The following JAKMIP3 variants were observed in gnomAD, a reference collection of about 807,000 sequenced individuals.
JAKMIP3 encodes the protein Janus kinase and microtubule interacting protein 3.
Under a neutral mutation model 118.5 loss-of-function variants are expected in JAKMIP3, and 58 were observed. That is an observed-to-expected ratio of 0.49 (90% CI 0.40 to 0.61). The LOEUF (loss-of-function observed/expected upper bound fraction) is 0.61, where lower values mean the gene tolerates loss of function less well. Ranked by LOEUF, JAKMIP3 falls within the 20% of genes least tolerant of loss-of-function variation. The pLI, the probability that JAKMIP3 is intolerant of heterozygous loss-of-function variation, is 0.00. For synonymous variants in JAKMIP3, 486 were observed against 451.2 expected (o/e 1.08, Z -0.98); for missense variants, 950 against 1,109.0 (o/e 0.86, Z 2.04).
Position 132,180,574 on chromosome 10 carries a change from T to TGCGCGC in JAKMIP3, c.*1104-1782_*1104-1781insCGCGCG, listed in dbSNP as rs1195743202. Among the ~76,000 whole-genome samples the TGCGCGC allele has an allele frequency of 9.4e-5, 4 of 42,718 alleles. 1 individual carries two copies. Among genetic ancestry groups the TGCGCGC allele is most frequent in the South Asian group, 1.1e-3 (1 of 926 alleles). The allele number at this position is 42,718 out of a possible 152,430, so 28.0% of individuals were successfully genotyped here. On this transcript the variant is annotated intron_variant, in intron 23 of 23. Transcript: ENST00000684848. ...GCGTGCATGCGTGTGTGTGCGTGTG[T>TGCGCGC]GTGTGCGTGCGCGTGTGTGTGTGCG...
chr10:132,158,389 T>A (rs2057347676), intron 19 of JAKMIP3, among the ~76,000 whole-genome samples: 1 of 152,124 alleles, frequency 6.6e-6, no homozygotes, highest in Non-Finnish European at 1.5e-5. Flanking sequence ...GGATTAGAGA[T>A]GTAGGTCTCC....
At chr10:132,097,940 T>TCCCTTC (rs1564892890) in intron 1 of JAKMIP3, among the ~76,000 whole-genome samples, 65 of 35,424 alleles carry the variant, frequency 1.8e-3, no homozygotes, top group Non-Finnish European at 2.1e-3. Context: ...CCTTCCCCTT[T>TCCCTTC]CCCTTTCCCA....
At chr10:132,134,294 A>T (rs1452036081) in intron 4 of JAKMIP3, among the ~76,000 whole-genome samples, 1 of 152,208 alleles carries the variant, frequency 6.6e-6, no homozygotes, top group Non-Finnish European at 1.5e-5. Flanking sequence ...CTTTGAGGAT[A>T]AAACTGTGTG....
chr10:132,157,751 A>G (rs1254383792), intron 19 of JAKMIP3, among the ~76,000 whole-genome samples: 1 of 152,162 alleles, frequency 6.6e-6, no homozygotes, highest in African/African-American at 2.4e-5. Flanking sequence ...TTGATAAAAG[A>G]AGGCAACCAG....
chr10:132,171,131 G>A (rs1381705318), intron 23 of JAKMIP3, among the ~76,000 whole-genome samples: 1 of 152,234 alleles, frequency 6.6e-6, no homozygotes, highest in Non-Finnish European at 1.5e-5. Context: ...CTCCCTTGGG[G>A]GAGGTTACGG....
At chr10:132,059,073 G>A (rs908113724) in intron 1 of JAKMIP3, among the ~76,000 whole-genome samples, 6 of 152,232 alleles carry the variant, frequency 3.9e-5, no homozygotes, top group East Asian at 3.8e-4. Context: ...ACAGCTGTTC[G>A]CGCGGACGAC....
intron 19 of JAKMIP3, among the ~76,000 whole-genome samples, chr10:132,159,581 T>TGTGATGCTGGGGGTCCTCTTCCTGG: frequency 8.7e-6 from 1 of 115,288 alleles, no homozygotes; most frequent in Non-Finnish European, 1.7e-5. Flanking sequence ...TGTCTCCCTG[T>TGTGATGCTGGGGGTCCTCTTCCTGG]GTGATGCTGG....
At chr10:132,091,726 A>G (rs1179464643) in intron 1 of JAKMIP3, among the ~76,000 whole-genome samples, 2 of 152,132 alleles carry the variant, frequency 1.3e-5, no homozygotes, top group East Asian at 1.9e-4. Flanking sequence ...TCTTTATCCA[A>G]TTTACCAGTC....
chr10:132,138,303 T>C (rs1464222416), intron 9 of JAKMIP3, 125 bp downstream of exon 9: 5 of 777,108 alleles, frequency 6.4e-6, no homozygotes, highest in Admixed American at 2.4e-5. Flanking sequence ...TGGAGGGCGC[T>C]GGGTGTGTGT....
In JAKMIP3 at chr10:132,122,707, G is replaced by A. The variant is rs536324067; in HGVS notation, c.633+5133G>A. Among the ~76,000 whole-genome samples, 33 of 152,340 alleles carry A rather than the reference G, an allele frequency of 2.2e-4. No homozygotes were observed. In the South Asian group the frequency reaches 2.5e-3, roughly 11 times the overall value. On this transcript the variant is annotated intron_variant, in intron 3 of 23. Transcript: ENST00000684848. ...CAGGGTGGGGATGTGGGAGCCAACA[G>A]ACACCCCAGACAAGCACGGTCGCTG...
At position 132,112,813 on chromosome 10, in the gene JAKMIP3, C is replaced by T. The variant is rs2047081151; in HGVS notation, c.136-4264C>T. On this transcript the variant is annotated intron_variant, in intron 2 of 23. Coordinates refer to ENST00000684848, the MANE Select transcript of JAKMIP3 (RefSeq NM_001323087.2). This position sits in a 1 kb window ranked among gnomAD's most constrained non-coding sequence, Gnocchi z 4.3. The stretch of plus-strand genomic sequence containing the variant: ...GCTCACATGGTGGACGCATCTGACT[C>T]TCCAGCCGCCGCTTCTTGGTCAGCC... Among the ~76,000 whole-genome samples, 1 of 152,208 alleles carries T rather than the reference C, an allele frequency of 6.6e-6. No homozygotes were observed.
At chr10:132,180,546 C>CGCGCGCGCGCGCGTGT (rs1467305126) in intron 23 of JAKMIP3, among the ~76,000 whole-genome samples, 2 of 15,966 alleles carry the variant, frequency 1.3e-4, no homozygotes, top group Non-Finnish European at 2.2e-4. Flanking sequence ...TGTGTGTGTG[C>CGCGCGCGCGCGCGTGT]GTGCGTGCAT....
At chr10:132,180,742 C>CAT (rs2061201476) in intron 23 of JAKMIP3, among the ~76,000 whole-genome samples, 1 of 8,700 alleles carries the variant, frequency 1.1e-4, no homozygotes, top group Non-Finnish European at 2.2e-4. Context: ...TGTGTGCGTG[C>CAT]GTGCGCGCGC....
At chr10:132,047,871 C>T (rs1421921338) in intron 1 of JAKMIP3, among the ~76,000 whole-genome samples, 8 of 46,156 alleles carry the variant, frequency 1.7e-4, no homozygotes, top group Non-Finnish European at 3.5e-4. Flanking sequence ...TGTTCCCCAC[C>T]CCCCGCCCCG....
At position 132,049,730 on chromosome 10, in the gene JAKMIP3, C is replaced by T. The variant is rs907392371; in HGVS notation, c.-138+12992C>T. Among the ~76,000 whole-genome samples, 2 of 152,064 alleles carry T rather than the reference C, an allele frequency of 1.3e-5. No individual in the cohort carries two copies. Among genetic ancestry groups the T allele is most frequent in the South Asian group, 2.1e-4 (1 of 4,812 alleles). On this transcript the variant is annotated intron_variant, in intron 1 of 23. Coordinates refer to the JAKMIP3 transcript ENST00000657785. This position sits in a 1 kb window ranked among gnomAD's most constrained non-coding sequence, Gnocchi z 4.3. ...AACTCCTGAATTCAAGTGATCCTCCCACCTTGGCCTCCCAAAGTGCTGGGA... is the reference window on the plus strand; with the variant it reads ...AACTCCTGAATTCAAGTGATCCTCCTACCTTGGCCTCCCAAAGTGCTGGGA...
At chr10:132,124,560 C>A (rs543759644) in intron 3 of JAKMIP3, among the ~76,000 whole-genome samples, 1 of 149,886 alleles carries the variant, frequency 6.7e-6, no homozygotes, top group South Asian at 2.1e-4. Context: ...GCATCGCACA[C>A]GTCCGTTGCC....
At chr10:132,134,282 C>A (rs570832954) in intron 4 of JAKMIP3, among the ~76,000 whole-genome samples, 1 of 152,158 alleles carries the variant, frequency 6.6e-6, no homozygotes, top group Admixed American at 6.5e-5. Context: ...GCTGCTTGTT[C>A]GCTTTGAGGA....
chr10:132,068,382 C>CT (rs1386679748), intron 1 of JAKMIP3, among the ~76,000 whole-genome samples: 4 of 152,218 alleles, frequency 2.6e-5, no homozygotes, highest in Non-Finnish European at 5.9e-5. Context: ...AAACGGCCCT[C>CT]TTTAGTACGG....
chr10:132,146,475 A>G (rs2136057017), intron 13 of JAKMIP3, among the ~76,000 whole-genome samples: 1 of 152,204 alleles, frequency 6.6e-6, no homozygotes, highest in Non-Finnish European at 1.5e-5. Context: ...CTACGGGTCC[A>G]GGGGCAGGAA....
Sources: allele counts gnomAD v4.1 joint callset (sites outside exome capture counted in the v4.1 genomes callset), GRCh38; gene constraint gnomAD v4.1.1; non-coding constraint Gnocchi (gnomAD v3.1); transcripts MANE v1.5; gene names NCBI Gene and HGNC (gene_info 2026-07-23, HGNC 2026-07-21).